FER1L6: variants seen among roughly 807,000 people sequenced by gnomAD.
FER1L6 encodes the protein fer-1-like protein 6.
Under a neutral mutation model 219.2 loss-of-function variants are expected in FER1L6, and 177 were observed. The ratio of observed to expected loss-of-function variants is 0.81; its 90% CI spans 0.71 to 0.91. The LOEUF (loss-of-function observed/expected upper bound fraction) is 0.91, where lower values mean the gene tolerates loss of function less well. Ranked by LOEUF, FER1L6 falls within the 40% of genes least tolerant of loss-of-function variation. The pLI is 0.00. For missense variants in FER1L6, 2,153 were observed against 2,259.9 expected (o/e 0.95, Z 0.96); for synonymous variants, 768 against 824.3 (o/e 0.93, Z 1.17).
rs142173116 is a variant in FER1L6, at chr8:124,107,930, G to A, written c.5289+4621G>A. 7.9e-4 allele frequency among the ~76,000 whole-genome samples: 120 copies of A among 152,256 alleles called. 2 individuals are homozygous for A. In the East Asian group the frequency reaches 0.014, roughly 18 times the overall value. ...ATTTAAGATCCCACAGAGGATTTCC[G>A]TGCATCAAAAAATGCATGTCTGTGT... On this transcript the variant is annotated intron_variant, in intron 39 of 40. Transcript: ENST00000522917.
chr8:123,901,471 T>C (rs1812854656), intron 1 of FER1L6, among the ~76,000 whole-genome samples: 2 of 152,170 alleles, frequency 1.3e-5, no homozygotes, highest in African/African-American at 4.8e-5. Flanking sequence ...CATTTATCTT[T>C]TTTTGTTTTG....
intron 12 of FER1L6, among the ~76,000 whole-genome samples, chr8:123,987,810 T>C (rs917085471): frequency 2.0e-5 from 3 of 152,176 alleles, no homozygotes; most frequent in African/African-American, 7.2e-5. Flanking sequence ...CTCGATACTT[T>C]TGTAAAAAAT....
At chr8:123,985,326 G>C (rs914283202) in intron 11 of FER1L6, 4 of 152,220 alleles carry the variant, frequency 2.6e-5, no homozygotes, top group Admixed American at 6.5e-5. Context: ...CTTCACAGCA[G>C]CAACCACATT....
chr8:124,054,293 G>GT lies in FER1L6; in HGVS notation c.2874+4545dup, dbSNP rs562438006. ...CCACCAGGAACATTCTCAAAGTCTGGTTTTTTTTGGAACATCACTCCCTCC... is the reference window on the plus strand; with the variant it reads ...CCACCAGGAACATTCTCAAAGTCTGGTTTTTTTTTGGAACATCACTCCCTCC... On this transcript the variant is annotated intron_variant, in intron 22 of 40. Coordinates refer to ENST00000522917, the MANE Select transcript of FER1L6 (RefSeq NM_001039112.2). 1.9e-4 allele frequency among the ~76,000 whole-genome samples: 29 copies of GT among 151,920 alleles called. No homozygotes were observed. The South Asian group carries it at 4.6e-3, about 24-fold the overall frequency.
intron 25 of FER1L6, among the ~76,000 whole-genome samples, chr8:124,063,243 A>AT (rs2130837431): frequency 6.6e-6 from 1 of 152,266 alleles, no homozygotes; most frequent in African/African-American, 2.4e-5. Flanking sequence ...TCCTAGTATG[A>AT]TAACTACTAA....
At chr8:124,087,638 T>G (rs564170132) in intron 33 of FER1L6, among the ~76,000 whole-genome samples, 83 of 152,306 alleles carry the variant, frequency 5.4e-4, no homozygotes, top group African/African-American at 1.9e-3. Flanking sequence ...CTTGTGGATG[T>G]TCATCAGTGT....
intron 1 of FER1L6, among the ~76,000 whole-genome samples, chr8:123,898,676 T>C (rs1181421349): frequency 1.4e-5 from 2 of 146,706 alleles, no homozygotes; most frequent in Non-Finnish European, 3.0e-5. Context: ...TATACGTATA[T>C]ATATACATAT....
chr8:124,034,831 C>T (rs937647108), intron 18 of FER1L6, among the ~76,000 whole-genome samples: 5 of 152,232 alleles, frequency 3.3e-5, no homozygotes, highest in African/African-American at 1.2e-4. Flanking sequence ...CTCAGAGTGA[C>T]AGTCAGGCTA....
intron 32 of FER1L6, 121 bp downstream of exon 32, chr8:124,076,446 C>T: frequency 2.1e-6 from 2 of 944,280 alleles, no homozygotes; most frequent in Non-Finnish European, 1.6e-6. Context: ...AGGTTAAATA[C>T]TGGCTTCTGC....
rs143324998 is a variant in FER1L6, at chr8:123,853,113, G to A, written c.-8+928G>A. ...CCTGCCTCAGCCTTCCAAAGTGCTC[G>A]GATTACGTGCGTGAGCCACTGTGCC... On this transcript the variant is annotated intron_variant, in intron 1 of 40. Transcript: ENST00000522917. The surrounding 1 kb of genome is among the most constrained non-coding windows in gnomAD (Gnocchi z 6.6). Among the ~76,000 whole-genome samples, 23 of 152,256 alleles carry A rather than the reference G, an allele frequency of 1.5e-4. No individual in the cohort carries two copies. In the East Asian group the frequency reaches 2.3e-3, roughly 15 times the overall value.
At chr8:123,871,412 C>G (rs924248926) in intron 1 of FER1L6, among the ~76,000 whole-genome samples, 2 of 152,172 alleles carry the variant, frequency 1.3e-5, no homozygotes, top group Non-Finnish European at 2.9e-5. Context: ...AAGAGGAACC[C>G]AGAGTACTTT....
intron 17 of FER1L6, among the ~76,000 whole-genome samples, chr8:124,023,190 C>T (rs1039087853): frequency 6.6e-6 from 1 of 152,204 alleles, no homozygotes; most frequent in African/African-American, 2.4e-5. Context: ...GCTGGGATTA[C>T]AGGCATGAGC....
In FER1L6 at chr8:123,864,247, T is replaced by A. The variant is rs1289869341; in HGVS notation, c.-8+12062T>A. ...TCTCCTTCACTTATGAAGCTTAGTT[T>A]GGCTGGATATGAAATTCTGGGTTGA... On this transcript the variant is annotated intron_variant, in intron 1 of 40. Coordinates refer to ENST00000522917, the MANE Select transcript of FER1L6 (RefSeq NM_001039112.2). 1.3e-5 allele frequency among the ~76,000 whole-genome samples: 2 copies of A among 150,324 alleles called. 1 individual carries two copies. The highest frequency in any genetic ancestry group is 5.0e-5 in the African/African-American group (2 of 39,840).
At chr8:123,894,217 T>C (rs961386089) in intron 1 of FER1L6, among the ~76,000 whole-genome samples, 194 of 152,304 alleles carry the variant, frequency 1.3e-3, no homozygotes, top group African/African-American at 4.3e-3. Context: ...CAGAATGAAA[T>C]GCCACGCCCC....
chr8:123,956,482 G>A (rs1815026602), intron 2 of FER1L6, among the ~76,000 whole-genome samples: 1 of 152,222 alleles, frequency 6.6e-6, no homozygotes, highest in South Asian at 2.1e-4. Flanking sequence ...CACAGTTACT[G>A]TGGGGGAGGC....
intron 1 of FER1L6, chr8:123,939,077 T>C (rs2129979439): frequency 1.5e-6 from 1 of 686,680 alleles, no homozygotes; most frequent in Non-Finnish European, 1.8e-6. Flanking sequence ...ACCCTTAGTT[T>C]TGAGGCTGTG....
At chr8:123,919,164 G>T (rs1813283101) in intron 1 of FER1L6, among the ~76,000 whole-genome samples, 1 of 152,186 alleles carries the variant, frequency 6.6e-6, no homozygotes, top group Non-Finnish European at 1.5e-5. Flanking sequence ...CAGTGGAGAG[G>T]CTGGAGGCCA....
intron 1 of FER1L6, among the ~76,000 whole-genome samples, chr8:123,918,219 G>C (rs1156507506): frequency 1.1e-4 from 16 of 151,638 alleles, no homozygotes. Context: ...TGAGGTGGAA[G>C]AATTGCTTGA....
intron 15 of FER1L6, chr8:124,014,201 G>A (rs111729934): frequency 5.2e-5 from 8 of 152,696 alleles, no homozygotes; most frequent in African/African-American, 1.9e-4. Context: ...GGGGACGGGG[G>A]AGATGGAGAA....
Sources: allele counts gnomAD v4.1 joint callset (sites outside exome capture counted in the v4.1 genomes callset), GRCh38; gene constraint gnomAD v4.1.1; non-coding constraint Gnocchi (gnomAD v3.1); transcripts MANE v1.5; gene names NCBI Gene and HGNC (gene_info 2026-07-23, HGNC 2026-07-21).